The following MTUS2 variants were observed in gnomAD, a reference collection of about 807,000 sequenced individuals.
MTUS2 encodes microtubule-associated tumor suppressor candidate 2.
A neutral mutation model predicts 114.1 loss-of-function variants in MTUS2; 40 were observed. That is an observed-to-expected ratio of 0.35 (90% CI 0.27 to 0.46). The LOEUF is 0.46. Among genes scored for constraint, MTUS2 ranks in the 20% least tolerant of loss-of-function variants. The pLI, the probability that MTUS2 is intolerant of heterozygous loss-of-function variation, is 1.00. For synonymous variants in MTUS2, 688 were observed against 672.0 expected (o/e 1.02, Z -0.37); for missense variants, 1,679 against 1,705.4 (o/e 0.98, Z 0.27).
chr13:29,285,209 A>C (rs1008242501), intron 6 of MTUS2, among the ~76,000 whole-genome samples: 3 of 151,580 alleles, frequency 2.0e-5, no homozygotes, highest in African/African-American at 4.8e-5. Context: ...AAAAAAAAAA[A>C]CCTCCAAAAC....
At position 29,485,662 on chromosome 13, in the gene MTUS2, C is replaced by T. The variant is rs117760446; in HGVS notation, c.3400-2238C>T. ...TACAATGGGCGTGGTATTCCATCAC[C>T]AATGACTCAAAGGCATACCTTCCAG... On this transcript the variant is annotated intron_variant, in intron 10 of 15. Transcript: ENST00000612955. 5.7e-4 allele frequency among the ~76,000 whole-genome samples: 87 copies of T among 152,310 alleles called. 2 individuals are homozygous for T. The East Asian group carries it at 0.016, about 28-fold the overall frequency.
intron 8 of MTUS2, among the ~76,000 whole-genome samples, chr13:29,405,596 C>T (rs1421404625): frequency 1.6e-4 from 25 of 152,156 alleles, no homozygotes; most frequent in Non-Finnish European, 7.4e-5. Flanking sequence ...AGCAGAGTCG[C>T]CCACTGCACG....
At position 28,849,888 on chromosome 13, in the gene MTUS2, C is replaced by G. The variant is rs551883821; in HGVS notation, c.-243+10038C>G. Among the ~76,000 whole-genome samples the G allele has an allele frequency of 3.9e-4, 59 of 152,216 alleles. 1 individual carries two copies. The South Asian group carries it at 0.012, about 32-fold the overall frequency. ...TGTATGAAACCCTTCCCAAGTTTTT[C>G]CTGCATAAAAAGTCTTTAACAATCT... On this transcript the variant is annotated intron_variant, in intron 2 of 15. Coordinates refer to ENST00000612955, the MANE Select transcript of MTUS2 (RefSeq NM_001033602.4).
intron 8 of MTUS2, among the ~76,000 whole-genome samples, chr13:29,430,363 G>T (rs934625078): frequency 5.9e-5 from 9 of 152,100 alleles, no homozygotes; most frequent in Non-Finnish European, 1.2e-4. Context: ...TCAAGTTCTT[G>T]AAAATGATTA....
chr13:29,029,286 ATCTTGTTTATAAGT>A (rs1886706104), intron 3 of MTUS2, among the ~76,000 whole-genome samples: 2 of 152,224 alleles, frequency 1.3e-5, no homozygotes, highest in Non-Finnish European at 2.9e-5. Context: ...GCTGCATGGC[ATCTTGTTTATAAGT>A]GGCTTCTTAC....
chr13:29,013,642 G>C (rs1191683418), intron 2 of MTUS2, among the ~76,000 whole-genome samples: 1 of 152,174 alleles, frequency 6.6e-6, no homozygotes, highest in Non-Finnish European at 1.5e-5. Context: ...AAAGGAAATG[G>C]GTAGCTAGGG....
intron 5 of MTUS2, among the ~76,000 whole-genome samples, chr13:29,176,451 G>A (rs772920793): frequency 9.9e-5 from 15 of 152,100 alleles, no homozygotes; most frequent in Admixed American, 4.6e-4. Flanking sequence ...TATCTCGTGC[G>A]GCTCACAGAG....
At chr13:28,911,953 G>A (rs189523035) in intron 2 of MTUS2, among the ~76,000 whole-genome samples, 378 of 147,304 alleles carry the variant, frequency 2.6e-3, no homozygotes, top group South Asian at 3.4e-3. Flanking sequence ...TCTGTAGGTT[G>A]TCTCTTCACT....
intron 2 of MTUS2, among the ~76,000 whole-genome samples, chr13:28,888,439 T>G (rs1259648432): frequency 7.8e-6 from 1 of 128,464 alleles, no homozygotes; most frequent in Non-Finnish European, 1.7e-5. Context: ...TTTTTTTTGA[T>G]AGATGGAGTT....
chr13:29,203,560 G>GAAAA (rs57964712), intron 5 of MTUS2, among the ~76,000 whole-genome samples: 2 of 116,124 alleles, frequency 1.7e-5, no homozygotes, highest in African/African-American at 3.3e-5. Flanking sequence ...ACTGGGGTAT[G>GAAAA]AAAAAAAAAA....
chr13:29,455,026 A>G (rs1408683836), intron 9 of MTUS2, among the ~76,000 whole-genome samples: 1 of 152,256 alleles, frequency 6.6e-6, no homozygotes, highest in Non-Finnish European at 1.5e-5. Context: ...AAAGGGAAGC[A>G]CATGAAATGA....
intron 8 of MTUS2, among the ~76,000 whole-genome samples, chr13:29,414,432 G>T: frequency 9.1e-6 from 1 of 110,064 alleles, no homozygotes; most frequent in East Asian, 2.6e-4. Context: ...ATGTGCACAT[G>T]TACCCTAAAA....
At chr13:29,291,452 A>G (rs1289306637) in intron 6 of MTUS2, among the ~76,000 whole-genome samples, 1 of 152,234 alleles carries the variant, frequency 6.6e-6, no homozygotes, top group Non-Finnish European at 1.5e-5. Flanking sequence ...GAGGGGAGGT[A>G]CTAGGGTGTT....
intron 2 of MTUS2, among the ~76,000 whole-genome samples, chr13:28,884,553 CAAT>C (rs1878476457): frequency 7.8e-6 from 1 of 128,972 alleles, no homozygotes; most frequent in Non-Finnish European, 1.7e-5. Context: ...TATTTTACCA[CAAT>C]AAAAATTGCA....
At chr13:29,270,978 G>A (rs1172265806) in intron 5 of MTUS2, among the ~76,000 whole-genome samples, 1 of 152,232 alleles carries the variant, frequency 6.6e-6, no homozygotes, top group Non-Finnish European at 1.5e-5. Context: ...AACTAAGTTT[G>A]TAAACTGAAG....
chr13:28,831,283 TGCC>T (rs1874659917), intron 1 of MTUS2, among the ~76,000 whole-genome samples: 1 of 152,190 alleles, frequency 6.6e-6, no homozygotes, highest in Non-Finnish European at 1.5e-5. Flanking sequence ...TGTAAAATCC[TGCC>T]ATTTTTAGTT....
At chr13:28,938,938 G>T (rs747280614) in intron 2 of MTUS2, among the ~76,000 whole-genome samples, 15 of 152,294 alleles carry the variant, frequency 9.8e-5, no homozygotes, top group Non-Finnish European at 2.2e-4. Flanking sequence ...GCATAGGTAT[G>T]TGATAGTAGG....
At chr13:29,115,086 G>A (rs1352637303) in intron 5 of MTUS2, among the ~76,000 whole-genome samples, 4 of 152,200 alleles carry the variant, frequency 2.6e-5, no homozygotes, top group African/African-American at 9.7e-5. Flanking sequence ...TAAATGAAAT[G>A]AAATGTAGAT....
At chr13:29,000,030 T>C (rs1885312120) in intron 2 of MTUS2, among the ~76,000 whole-genome samples, 1 of 152,244 alleles carries the variant, frequency 6.6e-6, no homozygotes, top group South Asian at 2.1e-4. Context: ...TGTTGATGGA[T>C]ACTTAGGTCG....
Sources: allele counts gnomAD v4.1 joint callset (sites outside exome capture counted in the v4.1 genomes callset), GRCh38; gene constraint gnomAD v4.1.1; transcripts MANE v1.5; gene names NCBI Gene and HGNC (gene_info 2026-07-23, HGNC 2026-07-21).